PHACTR1: variants seen among roughly 807,000 people sequenced by gnomAD.
PHACTR1 encodes the protein phosphatase and actin regulator 1, also known as RPEL repeat containing 1.
A neutral mutation model predicts 69.2 loss-of-function variants in PHACTR1; 16 were observed. That is an observed-to-expected ratio of 0.23 (90% CI 0.16 to 0.35). The LOEUF (loss-of-function observed/expected upper bound fraction) is 0.35, where lower values mean the gene tolerates loss of function less well. Ranked by LOEUF, PHACTR1 falls within the 10% of genes least tolerant of loss-of-function variation. The pLI is 1.00. For synonymous variants in PHACTR1, 312 were observed against 284.5 expected (o/e 1.10, Z -0.97); for missense variants, 510 against 734.7 (o/e 0.69, Z 3.54).
intron 5 of PHACTR1, among the ~76,000 whole-genome samples, chr6:13,099,970 C>A (rs1814888738): frequency 6.6e-6 from 1 of 152,130 alleles, no homozygotes; most frequent in South Asian, 2.1e-4. Context: ...TGCTTGACTG[C>A]ATAATAATCA....
chr6:13,038,488 T>TAAAA (rs34433834), intron 4 of PHACTR1, among the ~76,000 whole-genome samples: 1 of 124,194 alleles, frequency 8.1e-6, no homozygotes, highest in South Asian at 2.6e-4. Context: ...TTCAAGTGTT[T>TAAAA]AAAAAAAAAA....
chr6:12,944,777 A>ATTTTTTTTTTTTTTTTTTTTTTTT (rs757721726), intron 4 of PHACTR1, among the ~76,000 whole-genome samples: 1 of 135,762 alleles, frequency 7.4e-6, no homozygotes, highest in African/African-American at 2.9e-5. Flanking sequence ...TTATTTATTT[A>ATTTTTTTTTTTTTTTTTTTTTTTT]TTTTTATTTA....
chr6:13,057,281 A>G (rs769577907), intron 5 of PHACTR1, among the ~76,000 whole-genome samples: 1 of 152,178 alleles, frequency 6.6e-6, no homozygotes, highest in Non-Finnish European at 1.5e-5. Context: ...TTGTGTATTA[A>G]TTTTTAAAAA....
intron 5 of PHACTR1, among the ~76,000 whole-genome samples, chr6:13,139,586 C>T (rs1822107811): frequency 6.6e-6 from 1 of 152,134 alleles, no homozygotes; most frequent in Non-Finnish European, 1.5e-5. Flanking sequence ...TTTCAAGCCC[C>T]AGTGAAGCTT....
intron 4 of PHACTR1, among the ~76,000 whole-genome samples, chr6:13,052,528 G>A (rs546119296): frequency 2.0e-5 from 3 of 152,286 alleles, no homozygotes; most frequent in Admixed American, 1.3e-4. Flanking sequence ...TTGGGGTATT[G>A]GAATCTGTAA....
intron 5 of PHACTR1, among the ~76,000 whole-genome samples, chr6:13,143,434 A>T (rs1822813940): frequency 6.6e-6 from 1 of 152,146 alleles, no homozygotes; most frequent in Admixed American, 6.5e-5. Context: ...AAAAACTTAA[A>T]ATTTAAAAAG....
chr6:12,947,315 T>C (rs552222102), intron 4 of PHACTR1, among the ~76,000 whole-genome samples: 1 of 151,008 alleles, frequency 6.6e-6, no homozygotes, highest in African/African-American at 2.4e-5. Flanking sequence ...TTCCCAAGTA[T>C]AACCTGAAGA....
intron 6 of PHACTR1, among the ~76,000 whole-genome samples, chr6:13,177,418 C>T (rs906479682): frequency 2.4e-5 from 3 of 122,938 alleles, no homozygotes; most frequent in Non-Finnish European, 5.0e-5. Context: ...CATGCACACA[C>T]ATATATGTAT....
intron 10 of PHACTR1, among the ~76,000 whole-genome samples, chr6:13,248,814 G>C (rs1224095971): frequency 6.6e-6 from 1 of 152,162 alleles, no homozygotes; most frequent in Non-Finnish European, 1.5e-5. Flanking sequence ...GCATGTGTGG[G>C]CTAAAGCACA....
chr6:12,765,343 A>G (rs1233007239), intron 4 of PHACTR1, among the ~76,000 whole-genome samples: 1 of 152,204 alleles, frequency 6.6e-6, no homozygotes, highest in Non-Finnish European at 1.5e-5. Context: ...TCCATGAGAG[A>G]GATTTCCTTT....
At chr6:13,174,920 C>T (rs1380711970) in intron 6 of PHACTR1, among the ~76,000 whole-genome samples, 2 of 152,194 alleles carry the variant, frequency 1.3e-5, no homozygotes, top group African/African-American at 4.8e-5. Context: ...ATAGTAAGTT[C>T]TCTGAAATAT....
rs1174630907 is a variant in PHACTR1 at position 13,133,224 on chromosome 6, CCTCCCCCTCTCCCTCTCCCTTTCCCT to C, written c.416-26974_416-26949del. Among the ~76,000 whole-genome samples, 6 of 51,568 alleles carry C rather than the reference CCTCCCCCTCTCCCTCTCCCTTTCCCT, an allele frequency of 1.2e-4. 1 individual carries two copies. Among genetic ancestry groups the C allele is most frequent in the African/African-American group, 4.8e-4 (6 of 12,552 alleles). The allele number at this position is 51,568 out of a possible 152,430, so 33.8% of individuals were successfully genotyped here. ...GCCTCCCCCTCCCCCTCCCCCTCCC[CCTCCCCCTCTCCCTCTCCCTTTCCCT>C]CTCCCTCTCCCCACAGTCTCCCTCT... On this transcript the variant is annotated intron_variant, in intron 5 of 14. Coordinates refer to ENST00000332995, the MANE Select transcript of PHACTR1 (RefSeq NM_030948.6).
intron 4 of PHACTR1, among the ~76,000 whole-genome samples, chr6:12,804,650 T>C (rs6935309): frequency 0.37 from 56,423 of 151,876 alleles, 11,262 homozygotes; most frequent in African/African-American, 0.5. Context: ...GGCGAAACCC[T>C]GTCTCTACAA....
intron 4 of PHACTR1, among the ~76,000 whole-genome samples, chr6:12,864,077 G>A (rs6914467): frequency 0.072 from 10,959 of 152,184 alleles, 439 homozygotes; most frequent in Middle Eastern, 0.11. Flanking sequence ...CTGATCTGGC[G>A]TAGAGTGGTA....
intron 4 of PHACTR1, among the ~76,000 whole-genome samples, chr6:12,895,608 G>A (rs183549439): frequency 1.3e-4 from 20 of 152,274 alleles, no homozygotes; most frequent in African/African-American, 4.1e-4. Context: ...GAGACCAGGT[G>A]CAGCAATGGT....
chr6:12,981,597 C>T (rs1476995778), intron 4 of PHACTR1, among the ~76,000 whole-genome samples: 1 of 152,062 alleles, frequency 6.6e-6, no homozygotes, highest in African/African-American at 2.4e-5. Flanking sequence ...ATCTTTTTTC[C>T]AGGTTAAGAG....
In PHACTR1 at chr6:13,179,338, C is replaced by A. The variant is rs947779219; in HGVS notation, c.497-3181C>A. The stretch of plus-strand genomic sequence containing the variant: ...ATTCATAACACTTGGAATTACCAAG[C>A]ATTAGGAATTCCCAGATAATTCCTT... On this transcript the variant is annotated intron_variant, in intron 6 of 14. Transcript: ENST00000332995. This position sits in a 1 kb window ranked among gnomAD's most constrained non-coding sequence, Gnocchi z 4.2. Among the ~76,000 whole-genome samples, 4 of 151,454 alleles carry A rather than the reference C, an allele frequency of 2.6e-5. No homozygotes were observed. The highest frequency in any genetic ancestry group is 5.9e-5 in the Non-Finnish European group (4 of 67,928).
intron 8 of PHACTR1, among the ~76,000 whole-genome samples, chr6:13,209,245 C>T (rs1561998027): frequency 6.6e-6 from 1 of 152,124 alleles, no homozygotes; most frequent in Admixed American, 6.5e-5. Context: ...CACCAGCTGT[C>T]TTGGGTGATT....
intron 4 of PHACTR1, among the ~76,000 whole-genome samples, chr6:13,030,273 GA>G (rs1429683668): frequency 2.0e-5 from 3 of 152,136 alleles, no homozygotes; most frequent in African/African-American, 7.2e-5. Context: ...GGATAATAAG[GA>G]AAATATCTGT....
Sources: allele counts gnomAD v4.1 joint callset (sites outside exome capture counted in the v4.1 genomes callset), GRCh38; gene constraint gnomAD v4.1.1; non-coding constraint Gnocchi (gnomAD v3.1); transcripts MANE v1.5; gene names NCBI Gene and HGNC (gene_info 2026-07-23, HGNC 2026-07-21).